The following PCNX2 variants were observed in gnomAD, a reference collection of about 807,000 sequenced individuals.
PCNX2 encodes pecanex 2.
A neutral mutation model predicts 223.8 loss-of-function variants in PCNX2; 168 were observed. The ratio of observed to expected loss-of-function variants is 0.75; its 90% CI spans 0.66 to 0.85. The LOEUF is 0.85. Among genes scored for constraint, PCNX2 ranks in the 40% least tolerant of loss-of-function variants. The probability of loss-of-function intolerance (pLI) is 0.00; values close to 1 mark genes in which losing one functional copy is unlikely to be tolerated. For missense variants in PCNX2, 2,507 were observed against 2,675.5 expected, an observed-to-expected ratio of 0.94 and a Z score of 1.39; for synonymous variants, 1,006 against 1,052.6, an observed-to-expected ratio of 0.96 and a Z score of 0.86.
rs1254016666 is a variant in PCNX2 at position 233,126,145 on chromosome 1, G to C, written c.3837+8868C>G. ...GAATCGCTGGAAGTTGGAAGGCAGA[G>C]GTTGCAGTGAGCTGAGATCACGCCA... On this transcript the variant is annotated intron_variant, in intron 21 of 33. Coordinates refer to ENST00000258229, the MANE Select transcript of PCNX2 (RefSeq NM_014801.4). The surrounding 1 kb of genome is among the most constrained non-coding windows in gnomAD (Gnocchi z 4.8). The C allele has an allele frequency of 6.6e-6, 1 of 152,124 alleles. No homozygotes were observed. The highest frequency in any genetic ancestry group is 1.5e-5 in the Non-Finnish European group (1 of 68,064). 9.4% of individuals were successfully genotyped at this position (152,124 alleles called of 1,614,324 possible).
chr1:233,132,892 C>CTTTTTTTT (rs892121349), intron 21 of PCNX2, among the ~76,000 whole-genome samples: 5 of 114,858 alleles, frequency 4.4e-5, no homozygotes, highest in Non-Finnish European at 7.1e-5. Flanking sequence ...CATTTTACAT[C>CTTTTTTTT]TTTTTTTTTT....
chr1:233,308,006 A>G, the PCNX2 span, among the ~76,000 whole-genome samples: 5 of 152,350 alleles, frequency 3.3e-5, no homozygotes, highest in Non-Finnish European at 7.3e-5. Context: ...TAACCAAGTT[A>G]TGAATTGAGA....
intron 23 of PCNX2, among the ~76,000 whole-genome samples, chr1:233,077,904 C>A (rs1446981561): frequency 6.6e-6 from 1 of 151,952 alleles, no homozygotes; most frequent in African/African-American, 2.4e-5. Flanking sequence ...CATTATAAGC[C>A]CTATGGAGTG....
intron 21 of PCNX2, among the ~76,000 whole-genome samples, chr1:233,102,354 T>C (rs920724951): frequency 5.9e-5 from 9 of 152,214 alleles, no homozygotes; most frequent in African/African-American, 1.2e-4. Context: ...GGCACAGATA[T>C]CTTTTTAATA....
intron 25 of PCNX2, chr1:233,033,259 A>C (rs1390926902): frequency 1.1e-6 from 1 of 921,726 alleles, no homozygotes; most frequent in African/African-American, 1.8e-5. Context: ...AATTTCAAGA[A>C]GGAATAAACT....
intron 8 of PCNX2, among the ~76,000 whole-genome samples, chr1:233,244,423 G>C (rs1658975927): frequency 6.6e-6 from 1 of 152,048 alleles, no homozygotes; most frequent in African/African-American, 2.4e-5. Context: ...TAAAACACAG[G>C]GCTGGACTGG....
chr1:233,314,858 C>G, the PCNX2 span, among the ~76,000 whole-genome samples: 1 of 152,174 alleles, frequency 6.6e-6, no homozygotes, highest in Non-Finnish European at 1.5e-5. Flanking sequence ...CTCATTGAAC[C>G]CTCACCTTTA....
At position 232,991,841 on chromosome 1, in the gene PCNX2, C is replaced by T. The variant is rs1332503494; in HGVS notation, c.5792-5301G>A. Among the ~76,000 whole-genome samples the T allele has an allele frequency of 6.6e-6, 1 of 152,126 alleles. No individual in the cohort carries two copies. The highest frequency in any genetic ancestry group is 1.5e-5 in the Non-Finnish European group (1 of 68,036). ...ACCTGGATCTCAGACTTCCAGCCTC[C>T]AGAACTGGCAGACAGTAGGTTCATG... is the stretch of plus-strand genomic sequence containing the variant. On this transcript the variant is annotated intron_variant, in intron 32 of 33. Transcript: ENST00000258229. The surrounding 1 kb of genome is among the most constrained non-coding windows in gnomAD (Gnocchi z 4.3).
Position 233,179,183 on chromosome 1 carries a change from A to G in PCNX2, c.3067-8T>C. 2 of 1,613,502 alleles carry G rather than the reference A, an allele frequency of 1.2e-6. No individual in the cohort carries two copies. The highest frequency in any genetic ancestry group is 1.7e-6 in the Non-Finnish European group (2 of 1,179,608). On this transcript the variant is annotated splice_polypyrimidine_tract_variant and splice_region_variant and intron_variant, in intron 15 of 33. Transcript: ENST00000258229. ...TTGCATGCTCCACGGTTCCTAAAGA[A>G]AAGACATCAGTTAGCCAAGTCACTC... is the stretch of plus-strand genomic sequence containing the variant.
the PCNX2 span, among the ~76,000 whole-genome samples, chr1:233,324,791 G>C: frequency 1.3e-5 from 2 of 151,606 alleles, no homozygotes; most frequent in African/African-American, 4.8e-5. Context: ...AATAGAGATT[G>C]TTGGCCAGGC....
At chr1:233,156,465 G>T (rs546137309) in intron 19 of PCNX2, among the ~76,000 whole-genome samples, 1 of 152,184 alleles carries the variant, frequency 6.6e-6, no homozygotes, top group Non-Finnish European at 1.5e-5. Flanking sequence ...AAGCACTGCC[G>T]TGAGCACTGG....
At chr1:233,187,098 G>A (rs1052422427) in intron 15 of PCNX2, among the ~76,000 whole-genome samples, 1 of 152,220 alleles carries the variant, frequency 6.6e-6, no homozygotes, top group Non-Finnish European at 1.5e-5. Context: ...GTGTGCACAA[G>A]CAAGAAGAAA....
intron 25 of PCNX2, among the ~76,000 whole-genome samples, chr1:233,031,471 T>C (rs1186005149): frequency 6.6e-6 from 1 of 152,226 alleles, no homozygotes; most frequent in African/African-American, 2.4e-5. Context: ...AGGAACTCCA[T>C]AGCAGTATAT....
At chr1:233,034,012 G>C (rs1671359147) in intron 25 of PCNX2, among the ~76,000 whole-genome samples, 1 of 152,090 alleles carries the variant, frequency 6.6e-6, no homozygotes, top group African/African-American at 2.4e-5. Flanking sequence ...AAGAGATCGA[G>C]ACCATCCTGG....
intron 23 of PCNX2, among the ~76,000 whole-genome samples, chr1:233,070,171 A>G (rs1340201871): frequency 6.6e-5 from 10 of 152,214 alleles, no homozygotes; most frequent in Non-Finnish European, 1.3e-4. Context: ...ATTATGAAAT[A>G]CATAATTTTA....
At position 233,259,345 on chromosome 1, in the gene PCNX2, C is replaced by T. The variant is rs776646263; in HGVS notation, c.518-1G>A. ...GGATGGTCTTCTAATAGAATGACAC[C>T]TGAAATGACACATGGCAACTTTATT... On this transcript the variant is annotated splice_acceptor_variant, in intron 4 of 33. Coordinates refer to ENST00000258229, the MANE Select transcript of PCNX2 (RefSeq NM_014801.4). LOFTEE classifies it high-confidence loss of function. The T allele has an allele frequency of 1.2e-6, 2 of 1,602,708 alleles. No individual in the cohort carries two copies. Among genetic ancestry groups the T allele is most frequent in the Middle Eastern group, 1.7e-4 (1 of 6,006 alleles).
At chr1:233,255,239 T>C (rs1659668966) in intron 5 of PCNX2, among the ~76,000 whole-genome samples, 1 of 152,150 alleles carries the variant, frequency 6.6e-6, no homozygotes, top group Admixed American at 6.6e-5. Flanking sequence ...TTCCCTAATG[T>C]CTGTCCCTGC....
At chr1:233,054,000 A>G (rs897451397) in intron 25 of PCNX2, among the ~76,000 whole-genome samples, 10 of 152,188 alleles carry the variant, frequency 6.6e-5, no homozygotes, top group Admixed American at 4.6e-4. Flanking sequence ...AGTTTTTCCC[A>G]GAAGGATTAA....
At chr1:233,286,612 G>A (rs28422919) in intron 1 of PCNX2, among the ~76,000 whole-genome samples, 13,834 of 152,168 alleles carry the variant, frequency 0.091, 823 homozygotes, top group South Asian at 0.17. Flanking sequence ...GGTGGACAGA[G>A]TATGCAACCA....
Sources: allele counts gnomAD v4.1 joint callset (sites outside exome capture counted in the v4.1 genomes callset), GRCh38; gene constraint gnomAD v4.1.1; non-coding constraint Gnocchi (gnomAD v3.1); transcripts MANE v1.5; gene names NCBI Gene and HGNC (gene_info 2026-07-23, HGNC 2026-07-21).